NCR2: variants seen among roughly 807,000 people sequenced by gnomAD.
NCR2 encodes the protein natural cytotoxicity triggering receptor 2, also known as NK cell activating receptor (NKp44).
A neutral mutation model predicts 30.7 loss-of-function variants in NCR2; 35 were observed. The ratio of observed to expected loss-of-function variants is 1.14; its 90% confidence interval spans 0.87 to 1.51. NCR2 has a LOEUF of 1.51. Ranked by LOEUF, NCR2 falls within the 40% of genes most tolerant of loss-of-function variation. The pLI is 0.00. For missense variants in NCR2, 316 were observed against 328.9 expected (o/e 0.96, Z 0.30); for synonymous variants, 146 against 134.8 (o/e 1.08, Z -0.58).
Position 41,336,335 on chromosome 6 carries a change from G to A in NCR2, c.301G>A (p.Glu101Lys). 3.1e-6 allele frequency: 5 copies of A among 1,614,070 alleles called. No homozygotes were observed. Among genetic ancestry groups the A allele is most frequent in the Non-Finnish European group, 3.4e-6 (4 of 1,180,034 alleles). The change falls in exon 2 of 5, where the codon GAG becomes AAG. Residue 101 changes from glutamate to lysine, a missense_variant. Transcript: ENST00000373089. ...CACTGTCACCATGACTGATCTGAGA[G>A]AGGAAGACTCAGGACATTACTGGTG... ...FFTVTMTDLR[E>K]EDSGHYWCRI...
At chr6:41,339,958 G>A (rs1294339321) in intron 2 of NCR2, among the ~76,000 whole-genome samples, 1 of 151,772 alleles carries the variant, frequency 6.6e-6, no homozygotes, top group Non-Finnish European at 1.5e-5. Flanking sequence ...AGTGATTTTT[G>A]TTTTGCTATC....
intron 4 of NCR2, among the ~76,000 whole-genome samples, chr6:41,343,807 CT>C (rs35673764): frequency 0.58 from 88,108 of 151,972 alleles, 27,497 homozygotes; most frequent in Admixed American, 0.7. Flanking sequence ...AGATAAACAA[CT>C]TGGTTTTGGC....
rs1440965643 is a variant in NCR2 at position 41,336,736 on chromosome 6, T to C, written c.394+308T>C. Among the ~76,000 whole-genome samples, 4 of 152,098 alleles carry C rather than the reference T, an allele frequency of 2.6e-5. No homozygotes were observed. The South Asian group carries it at 8.3e-4, about 32-fold the overall frequency. Reference sequence around the variant, plus strand: ...AGGACCACCCGGCATCTTTGGTACATAGTAGGTGCCCAGGAAAGGTGCATC... The same window carrying C: ...AGGACCACCCGGCATCTTTGGTACACAGTAGGTGCCCAGGAAAGGTGCATC... On this transcript the variant is annotated intron_variant, in intron 2 of 4. Coordinates refer to ENST00000373089, the MANE Select transcript of NCR2 (RefSeq NM_004828.4).
chr6:41,336,929 AT>A (rs1414515321), intron 2 of NCR2, among the ~76,000 whole-genome samples: 1 of 152,220 alleles, frequency 6.6e-6, no homozygotes, highest in Non-Finnish European at 1.5e-5. Context: ...CATACAGGAA[AT>A]TCAAATTTCA....
chr6:41,347,310 T>C (rs74822568), intron 4 of NCR2, among the ~76,000 whole-genome samples: 44 of 152,352 alleles, frequency 2.9e-4, no homozygotes, highest in African/African-American at 1.0e-3. Flanking sequence ...AAATGGGCTC[T>C]AATATATTAA....
At chr6:41,338,171 T>C (rs915712191) in intron 2 of NCR2, among the ~76,000 whole-genome samples, 5 of 152,230 alleles carry the variant, frequency 3.3e-5, no homozygotes, top group African/African-American at 1.2e-4. Flanking sequence ...AGTCTGATGG[T>C]ACAATTCACA....
Position 41,343,616 on chromosome 6 carries a change from A to C in NCR2, c.644+1467A>C, listed in dbSNP as rs1487784244. Among the ~76,000 whole-genome samples the C allele has an allele frequency of 2.0e-5, 3 of 152,254 alleles. No homozygotes were observed. In the East Asian group the frequency reaches 5.8e-4, roughly 29 times the overall value. ...GAGAACTCTGCTCTGCAACCTGGGCAGTTGTAGAGAGAAAAAAAGACTGAA... is the reference window on the plus strand; with the variant it reads ...GAGAACTCTGCTCTGCAACCTGGGCCGTTGTAGAGAGAAAAAAAGACTGAA... On this transcript the variant is annotated intron_variant, in intron 4 of 4. Transcript: ENST00000373089.
intron 4 of NCR2, among the ~76,000 whole-genome samples, chr6:41,346,766 A>G (rs1482395666): frequency 6.9e-6 from 1 of 145,306 alleles, no homozygotes; most frequent in Non-Finnish European, 1.5e-5. Context: ...CCACATGCTC[A>G]GCTGGTGTGC....
chr6:41,335,907 C>G lies in NCR2; in HGVS notation c.31C>G (p.Leu11Val). The change falls in exon 1 of 5, where the codon CTG becomes GTG. Residue 11 changes from leucine to valine, a missense_variant. By Grantham distance (32) the Leu-to-Val change is conservative. Coordinates refer to ENST00000373089, the MANE Select transcript of NCR2 (RefSeq NM_004828.4). Reference protein sequence around the residue: MAWRALHPLLLLLLLFPGSQA... With the variant: MAWRALHPLLVLLLLFPGSQA... Reference sequence around the variant, plus strand: ...CTGGCGAGCCCTACACCCACTGCTACTGCTGCTGCTGCTGTTCCCAGGTGA... The same window carrying G: ...CTGGCGAGCCCTACACCCACTGCTAGTGCTGCTGCTGCTGTTCCCAGGTGA... The G allele has an allele frequency of 6.4e-7, 1 of 1,552,680 alleles. No homozygotes were observed. The highest frequency in any genetic ancestry group is 1.9e-5 in the Admixed American group (1 of 51,686).
intron 2 of NCR2, among the ~76,000 whole-genome samples, chr6:41,341,153 C>T (rs76358931): frequency 0.016 from 2,455 of 152,258 alleles, 62 homozygotes; most frequent in African/African-American, 0.054. Flanking sequence ...AATGCCTTTT[C>T]GACCTCAACA....
Position 41,336,207 on chromosome 6 carries a change from C to T in NCR2, c.173C>T (p.Ala58Val). The change falls in exon 2 of 5, where the codon GCT (alanine) becomes GTT (valine). Residue 58 changes from alanine to valine, a missense_variant. Ala to Val is a moderately conservative substitution (Grantham distance 64). Coordinates refer to ENST00000373089, the MANE Select transcript of NCR2 (RefSeq NM_004828.4). ...GAGAAGAAAGGCTGGTGTAAGGAGG[C>T]TTCAGCACTTGTGTGCATCAGGTTA... ...LYEKKGWCKE[A>V]SALVCIRLVT... is the part of the protein sequence containing the mutation. 2.5e-6 allele frequency: 4 copies of T among 1,614,188 alleles called. No homozygotes were observed. Among genetic ancestry groups the T allele is most frequent in the Non-Finnish European group, 3.4e-6 (4 of 1,180,040 alleles).
intron 2 of NCR2, among the ~76,000 whole-genome samples, chr6:41,339,164 C>A (rs1294075759): frequency 2.0e-5 from 3 of 152,034 alleles, no homozygotes; most frequent in Non-Finnish European, 4.4e-5. Flanking sequence ...AGGGTTCAAG[C>A]GATTCTCCTG....
At chr6:41,341,163 A>G (rs1769158845) in intron 2 of NCR2, among the ~76,000 whole-genome samples, 1 of 152,070 alleles carries the variant, frequency 6.6e-6, no homozygotes, top group Non-Finnish European at 1.5e-5. Context: ...CGACCTCAAC[A>G]GTCCCCATCA....
intron 4 of NCR2, among the ~76,000 whole-genome samples, chr6:41,345,321 T>A (rs1195631645): frequency 6.6e-6 from 1 of 151,908 alleles, no homozygotes; most frequent in Non-Finnish European, 1.5e-5. Context: ...AAAAATGACT[T>A]CCCTCTTATT....
chr6:41,348,107 T>C (rs1769346519), intron 4 of NCR2, among the ~76,000 whole-genome samples: 1 of 152,198 alleles, frequency 6.6e-6, no homozygotes, highest in African/African-American at 2.4e-5. Context: ...CTCCAACCCT[T>C]GAAGGAAGGT....
At chr6:41,348,693 T>C (rs1769359921) in intron 4 of NCR2, among the ~76,000 whole-genome samples, 2 of 152,124 alleles carry the variant, frequency 1.3e-5, no homozygotes, top group Non-Finnish European at 2.9e-5. Flanking sequence ...CCAGTTTAAT[T>C]TGGGGGATAC....
intron 4 of NCR2, chr6:41,342,895 T>C (rs1223972805): frequency 1.3e-6 from 2 of 1,538,790 alleles, no homozygotes; most frequent in African/African-American, 1.4e-5. Flanking sequence ...AGTCACTTCA[T>C]GTATTTCTCC....
chr6:41,342,581 C>T (rs1769203943), intron 4 of NCR2, among the ~76,000 whole-genome samples: 1 of 151,840 alleles, frequency 6.6e-6, no homozygotes, highest in East Asian at 1.9e-4. Context: ...TCCACTCCCC[C>T]ATCCCTCCAT....
chr6:41,338,974 G>C (rs1470758107), intron 2 of NCR2, among the ~76,000 whole-genome samples: 2 of 152,218 alleles, frequency 1.3e-5, no homozygotes, highest in Non-Finnish European at 2.9e-5. Flanking sequence ...TTCCTTTCAA[G>C]AGCTTTTCAA....
Sources: gnomAD v4.1 joint callset for allele counts (sites outside exome capture counted in the v4.1 genomes callset) on GRCh38, gnomAD v4.1.1 for gene constraint, MANE v1.5 for transcripts, NCBI Gene and HGNC (gene_info 2026-07-23, HGNC 2026-07-21) for gene names.